Variants in ABCA5 observed in about 807,000 individuals in gnomAD.
ABCA5 encodes the protein cholesterol transporter ABCA5.
ABCA5 carries 163 observed loss-of-function variants against 206.0 expected under a neutral mutation model. The observed-to-expected ratio is 0.79, with a 90% CI of 0.70 to 0.90. ABCA5 has a LOEUF of 0.90. Ranked by LOEUF, ABCA5 falls within the 40% of genes least tolerant of loss-of-function variation. ABCA5 has a pLI of 0.00. For missense variants in ABCA5, 1,859 were observed against 1,912.9 expected, an observed-to-expected ratio of 0.97 and a Z score of 0.53; for synonymous variants, 609 against 613.8, an observed-to-expected ratio of 0.99 and a Z score of 0.11.
chr17:69,295,870 C>G (rs535638755), intron 10 of ABCA5, among the ~76,000 whole-genome samples: 1 of 152,074 alleles, frequency 6.6e-6, no homozygotes, highest in Non-Finnish European at 1.5e-5. Flanking sequence ...AATATATTTA[C>G]TGAAAAAAAT....
At chr17:69,252,001 T>G in intron 34 of ABCA5, 135 bp from the exon 35 acceptor site, 2 of 833,438 alleles carry the variant, frequency 2.4e-6, no homozygotes, top group Non-Finnish European at 3.7e-6. Context: ...GGCTATTACA[T>G]CCTGCCCAAC....
chr17:69,288,766 T>C (rs1236482263), intron 14 of ABCA5, among the ~76,000 whole-genome samples: 1 of 150,702 alleles, frequency 6.6e-6, no homozygotes, highest in Non-Finnish European at 1.5e-5. Flanking sequence ...ATGGCAGTCA[T>C]AACTAAAGTC....
chr17:69,316,038 A>G (rs1463033408), intron 1 of ABCA5, among the ~76,000 whole-genome samples: 2 of 152,180 alleles, frequency 1.3e-5, no homozygotes, highest in African/African-American at 4.8e-5. Flanking sequence ...GAAACTTTAG[A>G]ACAGAAAAAC....
chr17:69,277,226 G>A (rs1238390407), intron 19 of ABCA5, among the ~76,000 whole-genome samples: 3 of 152,040 alleles, frequency 2.0e-5, no homozygotes, highest in African/African-American at 4.8e-5. Context: ...ACAAAAAGTG[G>A]TTATAAAAAC....
chr17:69,298,229 T>TAGGTAGGTAGGTAGGTAGGTAGGA (rs1253604474), intron 9 of ABCA5, among the ~76,000 whole-genome samples: 10 of 33,498 alleles, frequency 3.0e-4, no homozygotes, highest in South Asian at 1.6e-3. Flanking sequence ...GGAAGGTAGG[T>TAGGTAGGTAGGTAGGTAGGTAGGA]AGGAAGGAAG....
Position 69,274,839 on chromosome 17 carries a change from C to CTTTTTTTTTTTTTTTTTTTTTT in ABCA5, c.2595-733_2595-712dup, listed in dbSNP as rs3052556. Among the ~76,000 whole-genome samples, 6 of 85,750 alleles carry CTTTTTTTTTTTTTTTTTTTTTT rather than the reference C, an allele frequency of 7.0e-5. 1 individual carries two copies. Among genetic ancestry groups the CTTTTTTTTTTTTTTTTTTTTTT allele is most frequent in the African/African-American group, 2.2e-4 (5 of 22,740 alleles). 56.3% of individuals were successfully genotyped at this position (85,750 alleles called of 152,430 possible). On this transcript the variant is annotated intron_variant, in intron 19 of 38. Transcript: ENST00000392676. Reference sequence around the variant, plus strand: ...GTCCTGTCTCTATCTTAACCATTTACTTTTTTTTTTTTTTTTTTTTTTGAG... The same window carrying CTTTTTTTTTTTTTTTTTTTTTT: ...GTCCTGTCTCTATCTTAACCATTTACTTTTTTTTTTTTTTTTTTTTTTTTTTTTTTTTTTTTTTTTTTTTGAG...
At chr17:69,265,109 A>G (rs1222969320) in intron 23 of ABCA5, among the ~76,000 whole-genome samples, 1 of 152,126 alleles carries the variant, frequency 6.6e-6, no homozygotes, top group African/African-American at 2.4e-5. Flanking sequence ...TCTGAGATGT[A>G]ACAATTTCAA....
intron 24 of ABCA5, among the ~76,000 whole-genome samples, chr17:69,263,862 A>AT (rs1292845723): frequency 2.0e-5 from 3 of 151,556 alleles, no homozygotes; most frequent in Non-Finnish European, 4.4e-5. Flanking sequence ...ACGTCCAGCT[A>AT]TTTTTTTGTA....
intron 28 of ABCA5, 138 bp downstream of exon 28, chr17:69,259,568 G>T: frequency 1.9e-6 from 1 of 528,600 alleles, no homozygotes; most frequent in Non-Finnish European, 3.3e-6. Context: ...ATGGGAATAG[G>T]GATAAGAAAG....
At chr17:69,321,410 C>T (rs913513768) in intron 1 of ABCA5, among the ~76,000 whole-genome samples, 2 of 152,096 alleles carry the variant, frequency 1.3e-5, no homozygotes, top group African/African-American at 4.8e-5. Flanking sequence ...TTATCAGGTG[C>T]CTTTTCTTGG....
intron 1 of ABCA5, among the ~76,000 whole-genome samples, chr17:69,321,309 G>A (rs745769537): frequency 1.3e-5 from 2 of 152,162 alleles, no homozygotes; most frequent in Non-Finnish European, 2.9e-5. Context: ...CATGAAAGCG[G>A]TGTTCCTGAC....
At chr17:69,286,893 T>C (rs2075460961) in intron 15 of ABCA5, among the ~76,000 whole-genome samples, 1 of 152,180 alleles carries the variant, frequency 6.6e-6, no homozygotes, top group Admixed American at 6.6e-5. Context: ...TGTATGTATG[T>C]GTATAAAATT....
At position 69,270,593 on chromosome 17, in the gene ABCA5, C is replaced by A; in HGVS notation, c.3030+20G>T. ...ATATGACATGCATATGGAAATTTAT[C>A]TGTATATACATTGGCTTACTTGAAA... On this transcript the variant is annotated intron_variant, in intron 22 of 38. Coordinates refer to ENST00000392676, the MANE Select transcript of ABCA5 (RefSeq NM_172232.4). 2 of 1,553,550 alleles carry A rather than the reference C, an allele frequency of 1.3e-6. No individual in the cohort carries two copies. The highest frequency in any genetic ancestry group is 1.7e-6 in the Non-Finnish European group (2 of 1,157,760).
At chr17:69,247,698 GAACTTT>G in intron 38 of ABCA5, 54 bp from the exon 39 acceptor site, 4 of 1,040,728 alleles carry the variant, frequency 3.8e-6, no homozygotes, top group Non-Finnish European at 5.7e-6. Flanking sequence ...GTACCTCAAA[GAACTTT>G]TAACTAAATC....
intron 30 of ABCA5, 31 bp downstream of exon 30, chr17:69,255,702 A>G: frequency 6.3e-7 from 1 of 1,577,710 alleles, no homozygotes; most frequent in Non-Finnish European, 8.5e-7. Flanking sequence ...CTCTTCTAGA[A>G]AAGTTATGTA....
intron 9 of ABCA5, among the ~76,000 whole-genome samples, chr17:69,298,350 A>AAG (rs1228360629): frequency 0.013 from 1,348 of 103,930 alleles, 101 homozygotes; most frequent in African/African-American, 0.038. Context: ...AAGGAAGGAA[A>AAG]GAAGGAAAGA....
chr17:69,266,312 A>T (rs150582278), intron 23 of ABCA5, among the ~76,000 whole-genome samples: 197 of 152,308 alleles, frequency 1.3e-3, no homozygotes, highest in Non-Finnish European at 2.4e-3. Flanking sequence ...AATGTTCTGT[A>T]TCTTGACTGT....
At chr17:69,289,764 A>G in intron 13 of ABCA5, 98 bp downstream of exon 13, 1 of 922,490 alleles carries the variant, frequency 1.1e-6, no homozygotes, top group South Asian at 1.8e-5. Context: ...AACAAGTGTT[A>G]TATTTAGATT....
chr17:69,309,831 C>T lies in ABCA5; in HGVS notation c.308-408G>A, dbSNP rs892519391. Among the ~76,000 whole-genome samples the T allele has an allele frequency of 2.6e-5, 4 of 151,992 alleles. No homozygotes were observed. The South Asian group carries it at 6.2e-4, about 24-fold the overall frequency. On this transcript the variant is annotated intron_variant, in intron 3 of 38. Transcript: ENST00000392676. ...CTCCAGCTTAGGCAACAGAGTGAGA[C>T]CATGTCTCAAAAAAAACAAACAAAC...
Sources: gnomAD v4.1 joint callset for allele counts (sites outside exome capture counted in the v4.1 genomes callset) on GRCh38, gnomAD v4.1.1 for gene constraint, MANE v1.5 for transcripts, NCBI Gene and HGNC (gene_info 2026-07-23, HGNC 2026-07-21) for gene names.